Variants in DCUN1D5 observed in about 807,000 individuals in gnomAD.
DCUN1D5 encodes the protein defective in cullin neddylation 1 domain containing 5.
In DCUN1D5, 10 loss-of-function variants were observed where a neutral mutation model predicts 38.3. The ratio of observed to expected loss-of-function variants is 0.26; its 90% CI spans 0.16 to 0.44. DCUN1D5 has a LOEUF of 0.44. Among genes scored for constraint, DCUN1D5 ranks in the 20% least tolerant of loss-of-function variants. DCUN1D5 has a pLI of 1.00. For missense variants in DCUN1D5, 148 were observed against 275.3 expected (o/e 0.54, Z 3.27); for synonymous variants, 93 against 90.9 (o/e 1.02, Z -0.13).
At chr11:103,076,064 A>G (rs1288542359) in intron 4 of DCUN1D5, among the ~76,000 whole-genome samples, 1 of 152,224 alleles carries the variant, frequency 6.6e-6, no homozygotes, top group Non-Finnish European at 1.5e-5. Context: ...TTCATACAAA[A>G]TCTCACACAG....
At position 103,059,120 on chromosome 11, in the gene DCUN1D5, A is replaced by C. The variant is rs1861948766; in HGVS notation, c.*3239T>G. ...ACTTCTTTAAGAGGGCAGAAGAACA[A>C]CACCTGGCATTCTTACCAATTACAC... is the stretch of plus-strand genomic sequence containing the variant. On this transcript the variant is annotated 3_prime_UTR_variant, in exon 8 of 8. Transcript: ENST00000260247. Among the ~76,000 whole-genome samples, 2 of 152,186 alleles carry C rather than the reference A, an allele frequency of 1.3e-5. No homozygotes were observed. The highest frequency in any genetic ancestry group is 4.8e-5 in the African/African-American group (2 of 41,458).
chr11:103,083,659 T>C lies in DCUN1D5; in HGVS notation c.179-333A>G, dbSNP rs1412655723. 6.6e-6 allele frequency among the ~76,000 whole-genome samples: 1 copy of C among 152,020 alleles called. No homozygotes were observed. The highest frequency in any genetic ancestry group is 1.9e-4 in the East Asian group (1 of 5,202). On this transcript the variant is annotated intron_variant, in intron 2 of 7. Coordinates refer to ENST00000260247, the MANE Select transcript of DCUN1D5 (RefSeq NM_032299.4). The surrounding 1 kb of genome is among the most constrained non-coding windows in gnomAD (Gnocchi z 4.4). ...TGAGAGCCTACTCTGAATAAAATTT[T>C]TGACAATGCATGAATATGAAAAAAC...
rs1862868578 is a variant in DCUN1D5, at chr11:103,091,609, A to G, written c.86+178T>C. 1 of 1,128,000 alleles carries G rather than the reference A, an allele frequency of 8.9e-7. No individual in the cohort carries two copies. Among genetic ancestry groups the G allele is most frequent in the Admixed American group, 2.1e-5 (1 of 48,042 alleles). The allele number at this position is 1,128,000 out of a possible 1,614,324, so 69.9% of individuals were successfully genotyped here. A position where few individuals can be genotyped will look rare whatever the true frequency, so the allele number is the denominator to read the frequency against. On this transcript the variant is annotated intron_variant, in intron 1 of 7. Transcript: ENST00000260247. This position sits in a 1 kb window ranked among gnomAD's most constrained non-coding sequence, Gnocchi z 4.3. ...ATAAACGCCAGCGTGCACACACTCG[A>G]ACACGAGGTCGGGTCGGGCGCGGAG...
Position 103,066,585 on chromosome 11 carries a change from TCAAA to T in DCUN1D5, c.342-22_342-19del, listed in dbSNP as rs1423474212. 1.4e-6 allele frequency: 2 copies of T among 1,452,362 alleles called. No homozygotes were observed. The highest frequency in any genetic ancestry group is 9.6e-7 in the Non-Finnish European group (1 of 1,039,508). 90.0% of individuals were successfully genotyped at this position (1,452,362 alleles called of 1,614,324 possible). A position where few individuals can be genotyped will look rare whatever the true frequency, so the allele number is the denominator to read the frequency against. ...AGTCACACCTTAAATAAAAGAAATATCAAACAAATTACATAATCAAGAAAATCAA... is the reference window on the plus strand; with the variant it reads ...AGTCACACCTTAAATAAAAGAAATATCAAATTACATAATCAAGAAAATCAA... On this transcript the variant is annotated intron_variant, in intron 4 of 7. Coordinates refer to ENST00000260247, the MANE Select transcript of DCUN1D5 (RefSeq NM_032299.4). The surrounding 1 kb of genome is among the most constrained non-coding windows in gnomAD (Gnocchi z 4.7).
Position 103,065,148 on chromosome 11 carries a change from T to C in DCUN1D5, c.556-771A>G, listed in dbSNP as rs1218338849. Among the ~76,000 whole-genome samples the C allele has an allele frequency of 3.3e-5, 5 of 151,458 alleles. No homozygotes were observed. Among genetic ancestry groups the C allele is most frequent in the Non-Finnish European group, 2.9e-5 (2 of 67,968 alleles). Reference sequence around the variant, plus strand: ...ATTCATGTAAGACCTTTTCATATCATTGTCTCTTTTTTTTTTTTTCTGAGA... The same window carrying C: ...ATTCATGTAAGACCTTTTCATATCACTGTCTCTTTTTTTTTTTTTCTGAGA... On this transcript the variant is annotated intron_variant, in intron 6 of 7. Transcript: ENST00000260247. This position sits in a 1 kb window ranked among gnomAD's most constrained non-coding sequence, Gnocchi z 4.6.
chr11:103,056,620 G>C lies in DCUN1D5; in HGVS notation c.*5739C>G, dbSNP rs1861878966. Among the ~76,000 whole-genome samples the C allele has an allele frequency of 6.6e-6, 1 of 152,040 alleles. No individual in the cohort carries two copies. Among genetic ancestry groups the C allele is most frequent in the Non-Finnish European group, 1.5e-5 (1 of 68,006 alleles). ...CAATTAAAATAAAAATCCCATAAAG[G>C]TTCGAAATTACTGTCTTGCTTCGTG... On this transcript the variant is annotated 3_prime_UTR_variant, in exon 8 of 8. Transcript: ENST00000260247. The surrounding 1 kb of genome is among the most constrained non-coding windows in gnomAD (Gnocchi z 4.9).
chr11:103,091,030 G>C lies in DCUN1D5; in HGVS notation c.86+757C>G, dbSNP rs1433837211. Among the ~76,000 whole-genome samples, 2 of 152,170 alleles carry C rather than the reference G, an allele frequency of 1.3e-5. No individual in the cohort carries two copies. The highest frequency in any genetic ancestry group is 2.9e-5 in the Non-Finnish European group (2 of 68,028). On this transcript the variant is annotated intron_variant, in intron 1 of 7. Coordinates refer to ENST00000260247, the MANE Select transcript of DCUN1D5 (RefSeq NM_032299.4). The surrounding 1 kb of genome is among the most constrained non-coding windows in gnomAD (Gnocchi z 4.3). ...TGATATGCTACAAGGGGATCAAAGA[G>C]CTACTACTATATAGTTCTGCCTTGT...
At position 103,083,518 on chromosome 11, in the gene DCUN1D5, C is replaced by A. The variant is rs1237880210; in HGVS notation, c.179-192G>T. On this transcript the variant is annotated intron_variant, in intron 2 of 7. Coordinates refer to ENST00000260247, the MANE Select transcript of DCUN1D5 (RefSeq NM_032299.4). The surrounding 1 kb of genome is among the most constrained non-coding windows in gnomAD (Gnocchi z 4.4). ...TAAAATTTGTGAAGTATTCTTTGAA[C>A]ACCAGATTACAATATGAAATTAAGA... Among the ~76,000 whole-genome samples, 1 of 151,824 alleles carries A rather than the reference C, an allele frequency of 6.6e-6. No homozygotes were observed. Among genetic ancestry groups the A allele is most frequent in the East Asian group, 1.9e-4 (1 of 5,186 alleles).
At chr11:103,080,080 AT>A (rs1212422177) in intron 4 of DCUN1D5, 20 of 152,328 alleles carry the variant, frequency 1.3e-4, no homozygotes, top group African/African-American at 4.8e-4. Context: ...ACTAATCATG[AT>A]TATTACAGTC....
chr11:103,068,937 G>C (rs1264825833), intron 4 of DCUN1D5, among the ~76,000 whole-genome samples: 1 of 152,106 alleles, frequency 6.6e-6, no homozygotes, highest in African/African-American at 2.4e-5. Flanking sequence ...TTTTGAAGGA[G>C]TGACAGGGAT....
At chr11:103,086,000 T>C (rs1327560693) in intron 2 of DCUN1D5, among the ~76,000 whole-genome samples, 1 of 152,208 alleles carries the variant, frequency 6.6e-6, no homozygotes, top group Non-Finnish European at 1.5e-5. Flanking sequence ...GAATGAGGTC[T>C]TGTGAAAGAA....
In DCUN1D5 at chr11:103,086,896, A is replaced by AT. The variant is rs1486032822; in HGVS notation, c.178+2330dup. The stretch of plus-strand genomic sequence containing the variant: ...TATATATAAACATTATAAAATTTAA[A>AT]TAAAAAATACATAAAAGCATAGTAG... On this transcript the variant is annotated intron_variant, in intron 2 of 7. Coordinates refer to ENST00000260247, the MANE Select transcript of DCUN1D5 (RefSeq NM_032299.4). This position sits in a 1 kb window ranked among gnomAD's most constrained non-coding sequence, Gnocchi z 4.1. Among the ~76,000 whole-genome samples, 1 of 151,700 alleles carries AT rather than the reference A, an allele frequency of 6.6e-6. No homozygotes were observed. The highest frequency in any genetic ancestry group is 1.9e-4 in the East Asian group (1 of 5,202).
chr11:103,088,479 G>A (rs1435712067), intron 2 of DCUN1D5, among the ~76,000 whole-genome samples: 1 of 152,102 alleles, frequency 6.6e-6, no homozygotes, highest in Non-Finnish European at 1.5e-5. Flanking sequence ...CCCATCTCTG[G>A]CTGGCTTTGA....
intron 4 of DCUN1D5, among the ~76,000 whole-genome samples, chr11:103,076,456 TCTTA>T (rs1305182137): frequency 5.9e-5 from 9 of 152,192 alleles, no homozygotes; most frequent in African/African-American, 1.4e-4. Flanking sequence ...AAAGTTACTA[TCTTA>T]CTTATGTAAT....
chr11:103,069,075 G>A (rs980030520), intron 4 of DCUN1D5, among the ~76,000 whole-genome samples: 5 of 152,130 alleles, frequency 3.3e-5, no homozygotes, highest in African/African-American at 1.2e-4. Flanking sequence ...TAACTTGAGT[G>A]GGATGCAGCC....
In DCUN1D5 at chr11:103,059,182, AATTTCACATT is replaced by A. The variant is rs1273929701; in HGVS notation, c.*3167_*3176del. On this transcript the variant is annotated 3_prime_UTR_variant, in exon 8 of 8. Coordinates refer to ENST00000260247, the MANE Select transcript of DCUN1D5 (RefSeq NM_032299.4). ...CATATATTTCAATAAATCCTTTCAT[AATTTCACATT>A]AGCAAGTAGGCAGACAGGACATGTT... is the stretch of plus-strand genomic sequence containing the variant. Among the ~76,000 whole-genome samples the A allele has an allele frequency of 2.6e-5, 4 of 152,150 alleles. No individual in the cohort carries two copies. Among genetic ancestry groups the A allele is most frequent in the Non-Finnish European group, 5.9e-5 (4 of 68,010 alleles).
At position 103,063,375 on chromosome 11, in the gene DCUN1D5, C is replaced by T. The variant is rs1862059432; in HGVS notation, c.658+900G>A. ...CTGATACAAAATACATAAATATACACATCTACGGGCCATATACAGCCTTTG... is the reference window on the plus strand; with the variant it reads ...CTGATACAAAATACATAAATATACATATCTACGGGCCATATACAGCCTTTG... On this transcript the variant is annotated intron_variant, in intron 7 of 7. Transcript: ENST00000260247. This position sits in a 1 kb window ranked among gnomAD's most constrained non-coding sequence, Gnocchi z 4.6. 6.6e-6 allele frequency among the ~76,000 whole-genome samples: 1 copy of T among 152,142 alleles called. No homozygotes were observed. Among genetic ancestry groups the T allele is most frequent in the Non-Finnish European group, 1.5e-5 (1 of 67,984 alleles).
Position 103,056,130 on chromosome 11 carries a change from C to T in DCUN1D5, c.*6229G>A, listed in dbSNP as rs1431629080. ...TGTACCATTTGTCACCTGGATTTAC[C>T]ATATTATCTTCCTACTACTACCTGC... On this transcript the variant is annotated 3_prime_UTR_variant, in exon 8 of 8. Coordinates refer to ENST00000260247, the MANE Select transcript of DCUN1D5 (RefSeq NM_032299.4). This position sits in a 1 kb window ranked among gnomAD's most constrained non-coding sequence, Gnocchi z 4.9. Among the ~76,000 whole-genome samples the T allele has an allele frequency of 2.0e-5, 3 of 152,044 alleles. No individual in the cohort carries two copies. Among genetic ancestry groups the T allele is most frequent in the Non-Finnish European group, 4.4e-5 (3 of 67,982 alleles).
At chr11:103,090,443 C>A (rs187720304) in intron 1 of DCUN1D5, among the ~76,000 whole-genome samples, 3 of 152,234 alleles carry the variant, frequency 2.0e-5, no homozygotes, top group Admixed American at 2.0e-4. Context: ...AAAGAAGATG[C>A]AGACTATGTA....
Sources: gnomAD v4.1 joint callset for allele counts (sites outside exome capture counted in the v4.1 genomes callset) on GRCh38, gnomAD v4.1.1 for gene constraint, Gnocchi (gnomAD v3.1) non-coding constraint, MANE v1.5 for transcripts, NCBI Gene and HGNC (gene_info 2026-07-23, HGNC 2026-07-21) for gene names.